The following ATP8A1 variants were observed in gnomAD, a reference collection of about 807,000 sequenced individuals.
ATP8A1 encodes phospholipid-transporting ATPase IA.
Under a neutral mutation model 177.7 loss-of-function variants are expected in ATP8A1, and 90 were observed. The ratio of observed to expected loss-of-function variants is 0.51; its 90% CI spans 0.43 to 0.60. The LOEUF (loss-of-function observed/expected upper bound fraction) is 0.60. Ranked by LOEUF, ATP8A1 falls within the 20% of genes least tolerant of loss-of-function variation. ATP8A1 has a pLI of 0.00. For missense variants in ATP8A1, 1,072 were observed against 1,392.8 expected (o/e 0.77, Z 3.67); for synonymous variants, 493 against 485.9 (o/e 1.01, Z -0.19).
At chr4:42,430,350 T>G (rs1715130721) in intron 33 of ATP8A1, among the ~76,000 whole-genome samples, 1 of 152,166 alleles carries the variant, frequency 6.6e-6, no homozygotes, top group Non-Finnish European at 1.5e-5. Flanking sequence ...GCAGTCCTTT[T>G]AGAAGTCAGA....
chr4:42,451,915 G>T, intron 30 of ATP8A1, 66 bp downstream of exon 30: 1 of 1,174,932 alleles, frequency 8.5e-7, no homozygotes, highest in South Asian at 1.4e-5. Context: ...AACATACATT[G>T]ACAATGAGTT....
intron 4 of ATP8A1, among the ~76,000 whole-genome samples, chr4:42,621,917 A>T (rs1242769812): frequency 6.6e-6 from 1 of 152,214 alleles, no homozygotes; most frequent in Non-Finnish European, 1.5e-5. Context: ...AGAACCCAGA[A>T]ATAAGACTGC....
intron 33 of ATP8A1, among the ~76,000 whole-genome samples, chr4:42,434,997 T>A (rs1317005423): frequency 2.0e-5 from 3 of 152,228 alleles, no homozygotes; most frequent in Non-Finnish European, 4.4e-5. Flanking sequence ...CTTTTTTAAA[T>A]GCTGAAAAAT....
Position 42,656,722 on chromosome 4 carries a change from G to C in ATP8A1, c.49+103C>G. 2 of 1,302,206 alleles carry C rather than the reference G, an allele frequency of 1.5e-6. 1 individual carries two copies. Among genetic ancestry groups the C allele is most frequent in the South Asian group, 3.6e-5 (2 of 55,216 alleles). The allele number at this position is 1,302,206 out of a possible 1,614,324, so 80.7% of individuals were successfully genotyped here. ...CGGGCGCGACAGTCGGACTGCCGCC[G>C]GGGAAGAGGTAGGATGCGGTCTCTT... On this transcript the variant is annotated intron_variant, in intron 1 of 36. Transcript: ENST00000381668.
At chr4:42,580,708 A>C (rs1219867446) in intron 10 of ATP8A1, among the ~76,000 whole-genome samples, 2 of 152,222 alleles carry the variant, frequency 1.3e-5, no homozygotes, top group Non-Finnish European at 2.9e-5. Context: ...TGTACAAGGT[A>C]CAAAGGTATT....
chr4:42,505,009 T>C (rs1434392655), intron 23 of ATP8A1, among the ~76,000 whole-genome samples: 1 of 152,256 alleles, frequency 6.6e-6, no homozygotes, highest in East Asian at 1.9e-4. Context: ...AAGTTCTTCC[T>C]GACTGTGCTA....
chr4:42,502,555 C>T (rs971149948), intron 24 of ATP8A1, among the ~76,000 whole-genome samples: 4 of 152,178 alleles, frequency 2.6e-5, no homozygotes, highest in African/African-American at 4.8e-5. Flanking sequence ...GATCAAATGA[C>T]GCGTGGCTTG....
Position 42,636,173 on chromosome 4 carries a change from T to C in ATP8A1, c.50-9064A>G, listed in dbSNP as rs539500246. 1.4e-3 allele frequency among the ~76,000 whole-genome samples: 109 copies of C among 78,766 alleles called. 1 individual carries two copies. Among genetic ancestry groups the C allele is most frequent in the African/African-American group, 4.8e-3 (105 of 21,974 alleles). 51.7% of individuals were successfully genotyped at this position (78,766 alleles called of 152,430 possible). On this transcript the variant is annotated intron_variant, in intron 1 of 36. Coordinates refer to ENST00000381668, the MANE Select transcript of ATP8A1 (RefSeq NM_006095.2). ...ACACACACACGCACACACACACACA[T>C]AAGCTTCTTAAGCTGGATCAAAACA... is the stretch of plus-strand genomic sequence containing the variant.
At chr4:42,495,039 T>C (rs1723122687) in intron 24 of ATP8A1, among the ~76,000 whole-genome samples, 1 of 152,220 alleles carries the variant, frequency 6.6e-6, no homozygotes, top group Non-Finnish European at 1.5e-5. Flanking sequence ...AAATGTCAAA[T>C]AAGAGGATAT....
chr4:42,469,693 C>A (rs1173582407), intron 25 of ATP8A1, among the ~76,000 whole-genome samples: 1 of 152,104 alleles, frequency 6.6e-6, no homozygotes, highest in East Asian at 1.9e-4. Context: ...CTTCAGGTAA[C>A]AGAAATAGCA....
intron 20 of ATP8A1, among the ~76,000 whole-genome samples, chr4:42,542,769 T>C (rs1280895929): frequency 1.3e-5 from 2 of 152,174 alleles, no homozygotes; most frequent in African/African-American, 4.8e-5. Context: ...CATGAACTCA[T>C]CCTTTTTTAT....
At chr4:42,604,940 C>A (rs897660868) in intron 5 of ATP8A1, among the ~76,000 whole-genome samples, 1 of 152,094 alleles carries the variant, frequency 6.6e-6, no homozygotes, top group Non-Finnish European at 1.5e-5. Context: ...ATTGTATGAT[C>A]CCATGTACAT....
intron 22 of ATP8A1, among the ~76,000 whole-genome samples, chr4:42,518,834 G>A (rs764185773): frequency 2.6e-5 from 4 of 152,170 alleles, no homozygotes; most frequent in Non-Finnish European, 5.9e-5. Flanking sequence ...TAAAGCCAGG[G>A]TAACATTCTG....
At chr4:42,568,301 T>A (rs1471512263) in intron 15 of ATP8A1, among the ~76,000 whole-genome samples, 1 of 152,198 alleles carries the variant, frequency 6.6e-6, no homozygotes, top group Non-Finnish European at 1.5e-5. Flanking sequence ...ATTTAAATGA[T>A]GTTATTCGAC....
chr4:42,634,150 A>T (rs1423488856), intron 1 of ATP8A1, among the ~76,000 whole-genome samples: 1 of 152,222 alleles, frequency 6.6e-6, no homozygotes, highest in Non-Finnish European at 1.5e-5. Flanking sequence ...TAGACTGGTG[A>T]CAGAGATGAA....
intron 35 of ATP8A1, 141 bp downstream of exon 35, chr4:42,422,666 C>T (rs1435663755): frequency 1.6e-6 from 1 of 644,958 alleles, no homozygotes; most frequent in African/African-American, 1.8e-5. Flanking sequence ...TTTAAATCCA[C>T]ATGTCTCTGA....
intron 15 of ATP8A1, among the ~76,000 whole-genome samples, chr4:42,559,780 A>G (rs1054527122): frequency 6.6e-6 from 1 of 152,156 alleles, no homozygotes; most frequent in Non-Finnish European, 1.5e-5. Context: ...ATCTCAGCTC[A>G]CTGCAACCTC....
chr4:42,465,667 T>G (rs1719659387), intron 25 of ATP8A1, among the ~76,000 whole-genome samples: 1 of 152,156 alleles, frequency 6.6e-6, no homozygotes, highest in Admixed American at 6.5e-5. Context: ...CACCAGTATC[T>G]CTATTAAAAT....
At chr4:42,600,174 T>C (rs1197879063) in intron 6 of ATP8A1, among the ~76,000 whole-genome samples, 1 of 152,046 alleles carries the variant, frequency 6.6e-6, no homozygotes, top group East Asian at 1.9e-4. Context: ...GGACAGTAGA[T>C]GAGTAAAGCA....
Sources: gnomAD v4.1 joint callset for allele counts (sites outside exome capture counted in the v4.1 genomes callset) on GRCh38, gnomAD v4.1.1 for gene constraint, MANE v1.5 for transcripts, NCBI Gene and HGNC (gene_info 2026-07-23, HGNC 2026-07-21) for gene names.